SUPT3H: variants seen among roughly 807,000 people sequenced by gnomAD.
SUPT3H encodes the protein transcription initiation protein SPT3 homolog.
A neutral mutation model predicts 44.3 loss-of-function variants in SUPT3H; 44 were observed. That is an observed-to-expected ratio of 0.99 (90% CI 0.78 to 1.28). SUPT3H has a LOEUF of 1.28. Ranked by LOEUF, SUPT3H falls within the 50% of genes most tolerant of loss-of-function variation. The probability of loss-of-function intolerance (pLI) is 0.00; values close to 1 mark genes in which losing one functional copy is unlikely to be tolerated. For synonymous variants in SUPT3H, 124 were observed against 125.6 expected (o/e 0.99, Z 0.09); for missense variants, 380 against 387.1 (o/e 0.98, Z 0.15).
chr6:45,165,923 T>G (rs1397036533), intron 2 of SUPT3H, among the ~76,000 whole-genome samples: 1 of 152,122 alleles, frequency 6.6e-6, no homozygotes, highest in East Asian at 1.9e-4. Context: ...AAGATGCATA[T>G]TGGAGGAAAA....
At chr6:44,972,662 G>A (rs925566500) in intron 6 of SUPT3H, among the ~76,000 whole-genome samples, 40 of 152,260 alleles carry the variant, frequency 2.6e-4, no homozygotes, top group African/African-American at 7.7e-4. Flanking sequence ...GCTCTGCCCC[G>A]GCAACACACC....
chr6:45,147,054 A>G (rs1324537), intron 2 of SUPT3H, among the ~76,000 whole-genome samples: 88,509 of 151,886 alleles, frequency 0.58, 26,718 homozygotes, highest in African/African-American at 0.74. Context: ...ACTCATTATA[A>G]TAAGTTGATG....
chr6:45,100,541 T>TAAAAAAAAAAAAAAAAAAAAAAAAAAA (rs58120512), intron 3 of SUPT3H, among the ~76,000 whole-genome samples: 1 of 33,454 alleles, frequency 3.0e-5, no homozygotes. Flanking sequence ...ACCCTGTACT[T>TAAAAAAAAAAAAAAAAAAAAAAAAAAA]AAAAAAAAAA....
chr6:45,106,655 A>G (rs9395065), intron 2 of SUPT3H, among the ~76,000 whole-genome samples: 97,881 of 151,650 alleles, frequency 0.65, 32,401 homozygotes, highest in African/African-American at 0.8. Flanking sequence ...TCCTACCACG[A>G]CCTCTAGAGT....
At chr6:45,304,646 G>A (rs56243649) in intron 2 of SUPT3H, among the ~76,000 whole-genome samples, 1 of 151,734 alleles carries the variant, frequency 6.6e-6, no homozygotes, top group African/African-American at 2.4e-5. Flanking sequence ...AGGAATACAG[G>A]GTGAGAAAAT....
At chr6:45,318,629 C>T (rs916893328) in intron 2 of SUPT3H, among the ~76,000 whole-genome samples, 34 of 152,152 alleles carry the variant, frequency 2.2e-4, no homozygotes, top group African/African-American at 8.2e-4. Flanking sequence ...CACTAATCAA[C>T]TTTATAAATA....
intron 2 of SUPT3H, among the ~76,000 whole-genome samples, chr6:45,154,567 GT>G (rs1278848787): frequency 1.3e-5 from 2 of 152,152 alleles, no homozygotes; most frequent in Non-Finnish European, 2.9e-5. Flanking sequence ...GGGAATTTAT[GT>G]GCATAATAGG....
chr6:44,917,946 G>A (rs1413271932), intron 10 of SUPT3H, among the ~76,000 whole-genome samples: 3 of 152,090 alleles, frequency 2.0e-5, no homozygotes, highest in Non-Finnish European at 4.4e-5. Flanking sequence ...TGCTCTATCA[G>A]CACAATATTG....
At chr6:45,168,045 A>G (rs559911746) in intron 2 of SUPT3H, among the ~76,000 whole-genome samples, 1 of 152,210 alleles carries the variant, frequency 6.6e-6, no homozygotes, top group East Asian at 1.9e-4. Flanking sequence ...TTCCGACCTC[A>G]GGTGATCCAC....
intron 7 of SUPT3H, among the ~76,000 whole-genome samples, chr6:44,961,330 G>A (rs988712888): frequency 2.6e-5 from 4 of 152,086 alleles, no homozygotes; most frequent in Non-Finnish European, 5.9e-5. Flanking sequence ...GTGGTAATGA[G>A]TATACATAAA....
intron 2 of SUPT3H, among the ~76,000 whole-genome samples, chr6:45,297,626 G>A (rs577743218): frequency 3.9e-5 from 6 of 152,252 alleles, no homozygotes; most frequent in African/African-American, 1.4e-4. Context: ...CCAATAAATT[G>A]TTGGAGGCTT....
At chr6:44,832,526 C>T (rs1769002162) in intron 10 of SUPT3H, among the ~76,000 whole-genome samples, 1 of 152,110 alleles carries the variant, frequency 6.6e-6, no homozygotes, top group South Asian at 2.1e-4. Context: ...CTATATACTA[C>T]TTAAGGTTCA....
intron 10 of SUPT3H, among the ~76,000 whole-genome samples, chr6:44,838,364 G>A (rs561519712): frequency 6.6e-6 from 1 of 152,292 alleles, no homozygotes; most frequent in South Asian, 2.1e-4. Flanking sequence ...CATACTGAAT[G>A]AGAAATGCCA....
chr6:45,187,461 G>A (rs922656358), intron 2 of SUPT3H, among the ~76,000 whole-genome samples: 2 of 150,730 alleles, frequency 1.3e-5, no homozygotes, highest in Non-Finnish European at 2.9e-5. Flanking sequence ...TCTTTCTTCA[G>A]GTTCCTTTCC....
chr6:44,885,163 C>G (rs1440403596), intron 10 of SUPT3H, among the ~76,000 whole-genome samples: 5 of 152,208 alleles, frequency 3.3e-5, no homozygotes, highest in Non-Finnish European at 4.4e-5. Context: ...CTGCCTGCCT[C>G]TGTAGGCTCC....
chr6:44,894,653 C>T (rs1030852152), intron 10 of SUPT3H, among the ~76,000 whole-genome samples: 2 of 151,942 alleles, frequency 1.3e-5, no homozygotes, highest in Non-Finnish European at 2.9e-5. Context: ...AGTCAGGTAG[C>T]GTGATGCCTC....
chr6:44,970,921 C>T (rs536164795), intron 6 of SUPT3H, among the ~76,000 whole-genome samples: 2 of 152,122 alleles, frequency 1.3e-5, no homozygotes. Flanking sequence ...AATATGCACA[C>T]TTTATGGAGT....
chr6:44,993,124 T>C (rs1457572933), intron 6 of SUPT3H, among the ~76,000 whole-genome samples: 2 of 152,186 alleles, frequency 1.3e-5, no homozygotes, highest in South Asian at 2.1e-4. Context: ...GATTGGGCCA[T>C]GGCATTTCAG....
intron 2 of SUPT3H, among the ~76,000 whole-genome samples, chr6:45,123,777 A>G (rs1324891463): frequency 6.6e-6 from 1 of 152,176 alleles, no homozygotes; most frequent in African/African-American, 2.4e-5. Context: ...TCACAATACC[A>G]AAGTCACCAA....
Sources: allele counts gnomAD v4.1 joint callset (sites outside exome capture counted in the v4.1 genomes callset), GRCh38; gene constraint gnomAD v4.1.1; transcripts MANE v1.5; gene names NCBI Gene and HGNC (gene_info 2026-07-23, HGNC 2026-07-21).